Variants in CLRN1 observed in about 807,000 individuals in gnomAD.
CLRN1 encodes clarin-1.
A neutral mutation model predicts 18.7 loss-of-function variants in CLRN1; 15 were observed. The ratio of observed to expected loss-of-function variants is 0.80; its 90% CI spans 0.54 to 1.23. CLRN1 has a LOEUF of 1.23. Ranked by LOEUF, CLRN1 falls within the 50% of genes most tolerant of loss-of-function variation. The pLI is 0.00. For missense variants in CLRN1, 311 were observed against 277.5 expected (o/e 1.12, Z -0.86); for synonymous variants, 104 against 102.9 (o/e 1.01, Z -0.07).
chr3:150,964,447 A>G (rs1715172580), intron 1 of CLRN1, among the ~76,000 whole-genome samples: 1 of 152,202 alleles, frequency 6.6e-6, no homozygotes, highest in Non-Finnish European at 1.5e-5. Flanking sequence ...ACGCTTTTAC[A>G]CTGTTGGTGG....
chr3:150,938,753 C>G (rs73009134), intron 2 of CLRN1, among the ~76,000 whole-genome samples: 6,391 of 152,172 alleles, frequency 0.042, 449 homozygotes, highest in African/African-American at 0.15. Context: ...CCCTGATTCA[C>G]AAACCTTTAT....
intron 1 of CLRN1, among the ~76,000 whole-genome samples, chr3:150,954,102 C>A (rs1714622048): frequency 6.6e-6 from 1 of 152,124 alleles, no homozygotes; most frequent in Admixed American, 6.5e-5. Context: ...AGATATAGAA[C>A]AATTTCACCC....
chr3:150,927,793 C>T lies in CLRN1; in HGVS notation c.*143G>A, dbSNP rs550877141. 4 of 1,063,072 alleles carry T rather than the reference C, an allele frequency of 3.8e-6. No homozygotes were observed. The highest frequency in any genetic ancestry group is 1.6e-5 in the African/African-American group (1 of 64,272). 65.9% of individuals were successfully genotyped at this position (1,063,072 alleles called of 1,614,324 possible). The stretch of plus-strand genomic sequence containing the variant: ...CTTCCCTTACTTTCCAGCCTGTATC[C>T]TTAGTACGTAATTTGTAAACATTGT... On this transcript the variant is annotated 3_prime_UTR_variant, in exon 3 of 3. Coordinates refer to ENST00000327047, the MANE Select transcript of CLRN1 (RefSeq NM_174878.3).
intron 2 of CLRN1, among the ~76,000 whole-genome samples, chr3:150,933,026 A>G (rs549988875): frequency 1.3e-5 from 2 of 152,368 alleles, no homozygotes; most frequent in African/African-American, 4.8e-5. Flanking sequence ...GATTAATGCA[A>G]AGAAGAAATG....
chr3:150,941,480 T>G (rs1018527911), intron 2 of CLRN1, 102 bp downstream of exon 2: 14 of 1,166,290 alleles, frequency 1.2e-5, no homozygotes, highest in Admixed American at 5.9e-5. Flanking sequence ...ACAGTGTGCA[T>G]CCATGTATAT....
In CLRN1 at chr3:150,972,418, C is replaced by G. The variant is rs1397302437; in HGVS notation, c.253+38G>C. Reference sequence around the variant, plus strand: ...CCTCGCAACACTGGGAAGAGTCTGCCTAAAGCATTAAATAACTCAAATGCA... The same window carrying G: ...CCTCGCAACACTGGGAAGAGTCTGCGTAAAGCATTAAATAACTCAAATGCA... On this transcript the variant is annotated intron_variant, in intron 1 of 2. Coordinates refer to ENST00000327047, the MANE Select transcript of CLRN1 (RefSeq NM_174878.3). 2.0e-5 allele frequency: 33 copies of G among 1,613,920 alleles called. No individual in the cohort carries two copies. In the Admixed American group the frequency reaches 5.5e-4, roughly 27 times the overall value.
intron 1 of CLRN1, among the ~76,000 whole-genome samples, chr3:150,959,890 A>G (rs1330476392): frequency 1.3e-5 from 2 of 152,104 alleles, no homozygotes; most frequent in Non-Finnish European, 2.9e-5. Context: ...CTCTTATCCT[A>G]CAAATCTTAA....
At position 150,926,837 on chromosome 3, in the gene CLRN1, G is replaced by A. The variant is rs756420617; in HGVS notation, c.*1099C>T. The A allele has an allele frequency of 6.2e-7, 1 of 1,614,096 alleles. No homozygotes were observed. The highest frequency in any genetic ancestry group is 1.3e-5 in the African/African-American group (1 of 75,008). On this transcript the variant is annotated 3_prime_UTR_variant, in exon 3 of 3. Transcript: ENST00000327047. Reference sequence around the variant, plus strand: ...GGACAGCAGGTTGAGGATGAAGGAAGGGTCAGTTCCAGGCTCAGCTGTGGC... The same window carrying A: ...GGACAGCAGGTTGAGGATGAAGGAAAGGTCAGTTCCAGGCTCAGCTGTGGC...
At chr3:150,947,920 A>C (rs1374198186) in intron 1 of CLRN1, among the ~76,000 whole-genome samples, 1 of 152,236 alleles carries the variant, frequency 6.6e-6, no homozygotes, top group Non-Finnish European at 1.5e-5. Context: ...AGTTAAATTT[A>C]TAGCACTAAA....
At chr3:150,943,936 G>T (rs747419425) in intron 1 of CLRN1, 40 of 1,603,338 alleles carry the variant, frequency 2.5e-5, no homozygotes, top group Non-Finnish European at 3.3e-5. Context: ...AGCAGGGCAG[G>T]CTGAGTAAAT....
chr3:150,948,960 C>A (rs560453022), intron 1 of CLRN1, among the ~76,000 whole-genome samples: 76 of 152,286 alleles, frequency 5.0e-4, no homozygotes, highest in Non-Finnish European at 8.7e-4. Flanking sequence ...AAATCCTCAA[C>A]AAAATACTTG....
chr3:150,935,570 G>T (rs1189901530), intron 2 of CLRN1, among the ~76,000 whole-genome samples: 1 of 149,656 alleles, frequency 6.7e-6, no homozygotes, highest in Non-Finnish European at 1.5e-5. Flanking sequence ...TTGGTTCCAA[G>T]TCTTTGCTAT....
chr3:150,940,603 C>T, intron 2 of CLRN1: 10 of 1,287,904 alleles, frequency 7.8e-6, no homozygotes, highest in Non-Finnish European at 1.1e-5. Flanking sequence ...TGTATCCCTC[C>T]ATGAAACCAT....
intron 1 of CLRN1, among the ~76,000 whole-genome samples, chr3:150,948,538 T>TCC (rs1714309112): frequency 7.7e-6 from 1 of 130,490 alleles, no homozygotes; most frequent in Non-Finnish European, 1.7e-5. Flanking sequence ...TTACCACTGA[T>TCC]CCCACGGAAA....
At chr3:150,957,182 C>T (rs944937222) in intron 1 of CLRN1, among the ~76,000 whole-genome samples, 3 of 152,016 alleles carry the variant, frequency 2.0e-5, no homozygotes, top group Non-Finnish European at 4.4e-5. Context: ...CAGCCTTTTC[C>T]TCTCTACTGC....
At chr3:150,972,823 C>G (rs1448485304), upstream of CLRN1, 3 of 1,456,926 alleles carry the variant, frequency 2.1e-6, no homozygotes, top group Admixed American at 5.5e-5. Context: ...CAGCTCCCAG[C>G]TGAAAAGGCA....
At chr3:150,952,634 A>G (rs1714551428) in intron 1 of CLRN1, among the ~76,000 whole-genome samples, 1 of 151,938 alleles carries the variant, frequency 6.6e-6, no homozygotes, top group Non-Finnish European at 1.5e-5. Context: ...AGCAGTTATT[A>G]AACAAACAAA....
chr3:150,934,809 C>T (rs1228416135), intron 2 of CLRN1, among the ~76,000 whole-genome samples: 1 of 151,852 alleles, frequency 6.6e-6, no homozygotes, highest in Non-Finnish European at 1.5e-5. Flanking sequence ...CTTAAGTTCT[C>T]TCTCTCTCTT....
At chr3:150,932,786 G>A (rs549006649) in intron 2 of CLRN1, among the ~76,000 whole-genome samples, 30 of 152,312 alleles carry the variant, frequency 2.0e-4, no homozygotes, top group South Asian at 1.9e-3. Flanking sequence ...TCCAGAGACC[G>A]ATGGCTACCA....
Sources: allele counts gnomAD v4.1 joint callset (sites outside exome capture counted in the v4.1 genomes callset), GRCh38; gene constraint gnomAD v4.1.1; transcripts MANE v1.5; gene names NCBI Gene and HGNC (gene_info 2026-07-23, HGNC 2026-07-21).